GRAMD4: variants seen among roughly 807,000 people sequenced by gnomAD.
GRAMD4 encodes the protein GRAM domain containing 4, also known as GRAM domain-containing protein 4.
Under a neutral mutation model 83.9 loss-of-function variants are expected in GRAMD4, and 25 were observed. That is an observed-to-expected ratio of 0.30 (90% CI 0.22 to 0.42). The LOEUF is 0.42. Ranked by LOEUF, GRAMD4 falls within the 10% of genes least tolerant of loss-of-function variation. GRAMD4 has a pLI of 1.00. For synonymous variants in GRAMD4, 336 were observed against 320.9 expected (o/e 1.05, Z -0.50); for missense variants, 593 against 788.7 (o/e 0.75, Z 2.97).
rs1047400641 is a variant in GRAMD4, at chr22:46,679,445, C to T, written c.*2194C>T. On this transcript the variant is annotated 3_prime_UTR_variant, in exon 19 of 19. Coordinates refer to ENST00000406902, the MANE Select transcript of GRAMD4 (RefSeq NM_015124.5). Reference sequence around the variant, plus strand: ...GCACAGGCCCCTCCCTGGAAGTCCTCGGGAGCGGAGCGCGGATCGGCACGG... The same window carrying T: ...GCACAGGCCCCTCCCTGGAAGTCCTTGGGAGCGGAGCGCGGATCGGCACGG... 3.2e-5 allele frequency: 32 copies of T among 985,506 alleles called. No homozygotes were observed. In the East Asian group the frequency reaches 1.7e-3, roughly 52 times the overall value. 61.0% of individuals were successfully genotyped at this position (985,506 alleles called of 1,614,324 possible). A position where few individuals can be genotyped will look rare whatever the true frequency, so the allele number is the denominator to read the frequency against.
chr22:46,664,183 T>A, intron 8 of GRAMD4, 66 bp downstream of exon 8: 2 of 1,106,700 alleles, frequency 1.8e-6, no homozygotes, highest in Non-Finnish European at 2.8e-6. Context: ...CACCACATGA[T>A]CAGGCACCTT....
chr22:46,624,267 A>G (rs1044954587), intron 1 of GRAMD4, among the ~76,000 whole-genome samples: 8 of 133,784 alleles, frequency 6.0e-5, no homozygotes, highest in African/African-American at 2.3e-4. Context: ...GTCCCTTAAT[A>G]TAGACTCTTC....
intron 1 of GRAMD4, among the ~76,000 whole-genome samples, chr22:46,591,647 C>A (rs2081208934): frequency 6.6e-6 from 1 of 151,716 alleles, no homozygotes; most frequent in African/African-American, 2.4e-5. Flanking sequence ...CCAGTCTGGC[C>A]AACATGGCAA....
chr22:46,594,899 G>A (rs1481304639), intron 1 of GRAMD4, among the ~76,000 whole-genome samples: 1 of 152,096 alleles, frequency 6.6e-6, no homozygotes, highest in East Asian at 1.9e-4. Context: ...AAGTTTTGCT[G>A]TCTGTGGTTT....
chr22:46,668,883 C>G lies in GRAMD4; in HGVS notation c.1059C>G (p.Pro353=). Residue 353 remains proline, a synonymous_variant, in exon 13 of 19, where the codon CCC becomes CCG. Coordinates refer to ENST00000406902, the MANE Select transcript of GRAMD4 (RefSeq NM_015124.5). ...CCTTCCTGGCCTCCTGCTTCTTCCC[C>G]TACCGCCTGGTGGGGCTTGCCGTGG... is the stretch of plus-strand genomic sequence containing the variant. The part of the protein sequence containing the change: ...WAAFLASCFF[P]YRLVGLAVGL... The G allele has an allele frequency of 6.2e-7, 1 of 1,610,506 alleles. No homozygotes were observed. The highest frequency in any genetic ancestry group is 8.5e-7 in the Non-Finnish European group (1 of 1,177,714).
At chr22:46,590,058 C>T (rs1013191617) in intron 1 of GRAMD4, among the ~76,000 whole-genome samples, 1 of 152,212 alleles carries the variant, frequency 6.6e-6, no homozygotes, top group Non-Finnish European at 1.5e-5. Flanking sequence ...GTTGGGAGCC[C>T]TGAGTCTGGT....
chr22:46,660,401 C>G (rs889465768), intron 4 of GRAMD4, among the ~76,000 whole-genome samples: 1 of 151,986 alleles, frequency 6.6e-6, no homozygotes, highest in East Asian at 1.9e-4. Context: ...TCCTTGTCGT[C>G]CTGGTGCAGA....
At chr22:46,579,798 G>A (rs2081079742) in intron 1 of GRAMD4, among the ~76,000 whole-genome samples, 1 of 152,210 alleles carries the variant, frequency 6.6e-6, no homozygotes, top group Non-Finnish European at 1.5e-5. Flanking sequence ...GCTCCGGCCA[G>A]GGGCTCATTT....
At chr22:46,648,670 T>C (rs1479308678) in intron 3 of GRAMD4, among the ~76,000 whole-genome samples, 1 of 150,824 alleles carries the variant, frequency 6.6e-6, no homozygotes, top group African/African-American at 2.5e-5. Flanking sequence ...GATTTGGTAA[T>C]GGGTGGGTAA....
In GRAMD4 at chr22:46,665,602, C is replaced by T; in HGVS notation, c.718-13C>T. On this transcript the variant is annotated splice_polypyrimidine_tract_variant and intron_variant, in intron 8 of 18. Coordinates refer to ENST00000406902, the MANE Select transcript of GRAMD4 (RefSeq NM_015124.5). ...GCTGTCAGGAGGTCTGACGCCCTGTCTCTCACCCGCAGGTGTACATGAATG... is the reference window on the plus strand; with the variant it reads ...GCTGTCAGGAGGTCTGACGCCCTGTTTCTCACCCGCAGGTGTACATGAATG... The T allele has an allele frequency of 6.8e-7, 1 of 1,465,944 alleles. No individual in the cohort carries two copies. Among genetic ancestry groups the T allele is most frequent in the Non-Finnish European group, 9.5e-7 (1 of 1,047,224 alleles). 90.8% of individuals were successfully genotyped at this position (1,465,944 alleles called of 1,614,324 possible).
chr22:46,584,639 G>C (rs7284396), intron 1 of GRAMD4, among the ~76,000 whole-genome samples: 89,263 of 152,016 alleles, frequency 0.59, 27,779 homozygotes, highest in African/African-American at 0.79. Flanking sequence ...CCTTGGCTTC[G>C]AGCCCGGGCT....
rs1160829505 is a variant in GRAMD4 at position 46,668,892 on chromosome 22, G to A, written c.1068G>A (p.Leu356=). 6.2e-7 allele frequency: 1 copy of A among 1,607,464 alleles called. No homozygotes were observed. Among genetic ancestry groups the A allele is most frequent in the Non-Finnish European group, 8.5e-7 (1 of 1,175,486 alleles). Residue 356 remains leucine, a synonymous_variant, in exon 13 of 19, where the codon CTG becomes CTA. Transcript: ENST00000406902. ...FLASCFFPYR[L]VGLAVGLYAG... is the part of the protein sequence containing the mutation. The stretch of plus-strand genomic sequence containing the variant: ...CCTCCTGCTTCTTCCCCTACCGCCT[G>A]GTGGGGCTTGCCGTGGGTAAGTAGA...
At chr22:46,680,593 T>TTTAC (rs2082659134), downstream of GRAMD4, among the ~76,000 whole-genome samples, 1 of 12,500 alleles carries the variant, frequency 8.0e-5, no homozygotes, top group Non-Finnish European at 1.4e-4. Flanking sequence ...CATCCATCCA[T>TTTAC]CCACCCACCC....
chr22:46,617,216 G>A (rs2081514958), upstream of GRAMD4, among the ~76,000 whole-genome samples: 1 of 140,612 alleles, frequency 7.1e-6, no homozygotes. Flanking sequence ...CCCTGTGCGT[G>A]TGGGTTCCCC....
Position 46,672,588 on chromosome 22 carries a change from G to A in GRAMD4, c.1085-255G>A, listed in dbSNP as rs576136700. ...GGGGGGGTCCTAGCAGAGCTGAGGG[G>A]TCTTAGTGGGAGTGGGTGGGGCGCT... On this transcript the variant is annotated intron_variant, in intron 13 of 18. Transcript: ENST00000406902. This position sits in a 1 kb window ranked among gnomAD's most constrained non-coding sequence, Gnocchi z 4.7. Among the ~76,000 whole-genome samples, 5 of 151,862 alleles carry A rather than the reference G, an allele frequency of 3.3e-5. No individual in the cohort carries two copies. The highest frequency in any genetic ancestry group is 7.4e-5 in the Non-Finnish European group (5 of 67,920).
chr22:46,623,732 A>T (rs1014693179), intron 1 of GRAMD4, among the ~76,000 whole-genome samples: 3 of 150,020 alleles, frequency 2.0e-5, no homozygotes, highest in Admixed American at 2.0e-4. Flanking sequence ...GTTTTCGCGT[A>T]TTAGGAAGTG....
At chr22:46,594,817 G>A (rs1224179654) in intron 1 of GRAMD4, among the ~76,000 whole-genome samples, 1 of 151,988 alleles carries the variant, frequency 6.6e-6, no homozygotes, top group South Asian at 2.1e-4. Flanking sequence ...ACGGGGAGCT[G>A]GGGTTGGGGG....
At chr22:46,608,839 T>A (rs1439161960) in intron 1 of GRAMD4, among the ~76,000 whole-genome samples, 2 of 152,138 alleles carry the variant, frequency 1.3e-5, no homozygotes, top group East Asian at 3.8e-4. Flanking sequence ...TGAAATCCCA[T>A]CTCTACTAAA....
At chr22:46,605,670 G>C (rs2081357673) in intron 1 of GRAMD4, among the ~76,000 whole-genome samples, 1 of 152,276 alleles carries the variant, frequency 6.6e-6, no homozygotes, top group Non-Finnish European at 1.5e-5. Context: ...GTCTCCCCTT[G>C]TGGTTTGGTT....
Sources: gnomAD v4.1 joint callset for allele counts (sites outside exome capture counted in the v4.1 genomes callset) on GRCh38, gnomAD v4.1.1 for gene constraint, Gnocchi (gnomAD v3.1) non-coding constraint, MANE v1.5 for transcripts, NCBI Gene and HGNC (gene_info 2026-07-23, HGNC 2026-07-21) for gene names.